Variants in PIGL observed in about 807,000 individuals in gnomAD.
PIGL encodes N-acetylglucosaminyl-phosphatidylinositol de-N-acetylase.
In PIGL, 22 loss-of-function variants were observed where a neutral mutation model predicts 31.1. The observed-to-expected ratio is 0.71, with a 90% CI of 0.51 to 1.01. The LOEUF is 1.01. Among genes scored for constraint, PIGL ranks in the 50% least tolerant of loss-of-function variants. The pLI is 0.00. For synonymous variants in PIGL, 131 were observed against 117.4 expected, an observed-to-expected ratio of 1.12 and a Z score of -0.75; for missense variants, 302 against 315.9, an observed-to-expected ratio of 0.96 and a Z score of 0.33.
At chr17:16,217,624 G>GAGATCTACACC in intron 1 of PIGL, 163 bp downstream of exon 1, 1 of 556,096 alleles carries the variant, frequency 1.8e-6, no homozygotes, top group Non-Finnish European at 3.1e-6. Context: ...AGGAGCGGCC[G>GAGATCTACACC]GCTTACCTGG....
rs746216623 is a variant in PIGL at position 16,324,130 on chromosome 17, A to ATT, written c.661-1657_661-1656dup. Among the ~76,000 whole-genome samples the ATT allele has an allele frequency of 1.2e-4, 16 of 129,642 alleles. 1 individual carries two copies. Among genetic ancestry groups the ATT allele is most frequent in the African/African-American group, 4.3e-4 (15 of 35,288 alleles). The allele number at this position is 129,642 out of a possible 152,430, so 85.1% of individuals were successfully genotyped here. A position where few individuals can be genotyped will look rare whatever the true frequency, so the allele number is the denominator to read the frequency against. Reference sequence around the variant, plus strand: ...CACCACCATGCCCAGCTAATTTTGGATTTTTTTTTTTTTTAGTAGAGATAG... The same window carrying ATT: ...CACCACCATGCCCAGCTAATTTTGGATTTTTTTTTTTTTTTTAGTAGAGATAG... On this transcript the variant is annotated intron_variant, in intron 6 of 6. Transcript: ENST00000225609.
chr17:16,320,482 C>G (rs1290544505), intron 6 of PIGL, among the ~76,000 whole-genome samples: 1 of 130,600 alleles, frequency 7.7e-6, no homozygotes, highest in Non-Finnish European at 1.6e-5. Flanking sequence ...AGGGAGGAAA[C>G]GAGGGAGGGA....
At chr17:16,263,315 A>T (rs1488708922) in intron 2 of PIGL, among the ~76,000 whole-genome samples, 1 of 151,678 alleles carries the variant, frequency 6.6e-6, no homozygotes, top group Non-Finnish European at 1.5e-5. Context: ...AGTAGCTGGG[A>T]CTACAGGCAC....
At chr17:16,319,484 G>A (rs978693609) in intron 6 of PIGL, among the ~76,000 whole-genome samples, 3 of 152,224 alleles carry the variant, frequency 2.0e-5, no homozygotes, top group Admixed American at 6.5e-5. Context: ...GCCAGACGCC[G>A]TGGCTCACGC....
chr17:16,225,607 C>T (rs2092648999), intron 1 of PIGL, among the ~76,000 whole-genome samples: 1 of 150,524 alleles, frequency 6.6e-6, no homozygotes. Flanking sequence ...GGATTACAGG[C>T]GTGAGCCACC....
chr17:16,317,641 A>G, intron 5 of PIGL, 134 bp from the exon 6 acceptor site: 6 of 1,502,788 alleles, frequency 4.0e-6, no homozygotes, highest in Non-Finnish European at 5.3e-6. Flanking sequence ...CTTTAGTGCC[A>G]CAGAAACACG....
At chr17:16,231,980 C>T (rs761673028) in intron 1 of PIGL, among the ~76,000 whole-genome samples, 49 of 151,928 alleles carry the variant, frequency 3.2e-4, no homozygotes, top group Non-Finnish European at 5.7e-4. Context: ...ACAAGGTAAA[C>T]AAATTAGGGG....
rs60411653 is a variant in PIGL at position 16,263,093 on chromosome 17, T to TGGG, written c.335+29032_335+29034dup. ...GGGGTTTATTATAATATGGTTTATT[T>TGGG]GGGGGGGGGGGATGAAAATGTTCTA... On this transcript the variant is annotated intron_variant, in intron 2 of 6. Coordinates refer to ENST00000225609, the MANE Select transcript of PIGL (RefSeq NM_004278.4). 7.4e-3 allele frequency among the ~76,000 whole-genome samples: 1,029 copies of TGGG among 139,840 alleles called. 7 individuals are homozygous for TGGG. The highest frequency in any genetic ancestry group is 0.012 in the South Asian group (51 of 4,422). 91.7% of individuals were successfully genotyped at this position (139,840 alleles called of 152,430 possible).
chr17:16,315,402 C>T (rs1455313609), intron 4 of PIGL, among the ~76,000 whole-genome samples: 3 of 152,182 alleles, frequency 2.0e-5, no homozygotes, highest in Non-Finnish European at 4.4e-5. Context: ...ACTTATATGG[C>T]ACCAGCTTGC....
At chr17:16,231,792 C>T (rs2092680567) in intron 1 of PIGL, among the ~76,000 whole-genome samples, 1 of 152,088 alleles carries the variant, frequency 6.6e-6, no homozygotes. Context: ...AGTTCTACAT[C>T]TAGAAATTAC....
chr17:16,324,058 G>C (rs183238153), intron 6 of PIGL, among the ~76,000 whole-genome samples: 1 of 151,960 alleles, frequency 6.6e-6, no homozygotes. Context: ...CTGGGTTCAA[G>C]CGAGTCCCCT....
At position 16,217,223 on chromosome 17, in the gene PIGL, C is replaced by A. The variant is rs1373926981; in HGVS notation, c.-4C>A. On this transcript the variant is annotated 5_prime_UTR_variant, in exon 1 of 7. Coordinates refer to ENST00000225609, the MANE Select transcript of PIGL (RefSeq NM_004278.4). ...CTGCGCAGGCTCAGTGCTGCTTACC[C>A]ATCATGGAAGCAATGTGGCTCCTGT... is the stretch of plus-strand genomic sequence containing the variant. 3.1e-6 allele frequency: 5 copies of A among 1,612,798 alleles called. No individual in the cohort carries two copies. Among genetic ancestry groups the A allele is most frequent in the African/African-American group, 1.3e-5 (1 of 74,910 alleles).
chr17:16,251,289 G>A (rs1478638401), intron 2 of PIGL, among the ~76,000 whole-genome samples: 1 of 151,978 alleles, frequency 6.6e-6, no homozygotes, highest in Non-Finnish European at 1.5e-5. Context: ...CTGGTATGGT[G>A]GCGTGTGCCT....
chr17:16,256,436 C>T (rs1480176655), intron 2 of PIGL, among the ~76,000 whole-genome samples: 1 of 152,156 alleles, frequency 6.6e-6, no homozygotes, highest in African/African-American at 2.4e-5. Context: ...CTCCCGATTC[C>T]TCTGCCTCAG....
intron 2 of PIGL, among the ~76,000 whole-genome samples, chr17:16,245,626 A>G (rs2092741980): frequency 6.7e-6 from 1 of 148,762 alleles, no homozygotes; most frequent in South Asian, 2.1e-4. Context: ...GATGGTCTCG[A>G]TCTCTTGACC....
chr17:16,284,677 CT>C, intron 2 of PIGL, among the ~76,000 whole-genome samples: 1 of 152,242 alleles, frequency 6.6e-6, no homozygotes, highest in Non-Finnish European at 1.5e-5. Flanking sequence ...ACGAGGACAG[CT>C]TCAATTCCCT....
At chr17:16,232,089 C>A (rs2092681658) in intron 1 of PIGL, among the ~76,000 whole-genome samples, 1 of 151,952 alleles carries the variant, frequency 6.6e-6, no homozygotes, top group African/African-American at 2.4e-5. Context: ...ACCAGCCTGG[C>A]CAACATAATG....
chr17:16,220,789 C>T (rs1017573304), intron 1 of PIGL, among the ~76,000 whole-genome samples: 10 of 152,034 alleles, frequency 6.6e-5, no homozygotes, highest in African/African-American at 1.7e-4. Flanking sequence ...CGCCCAGCCA[C>T]GCCAGGCTAA....
intron 1 of PIGL, among the ~76,000 whole-genome samples, chr17:16,218,649 A>T (rs1162211065): frequency 2.0e-5 from 3 of 149,056 alleles, no homozygotes; most frequent in African/African-American, 7.4e-5. Context: ...TGCAAAACAC[A>T]TTCCCAAAAA....
Sources: gnomAD v4.1 joint callset for allele counts (sites outside exome capture counted in the v4.1 genomes callset) on GRCh38, gnomAD v4.1.1 for gene constraint, MANE v1.5 for transcripts, NCBI Gene and HGNC (gene_info 2026-07-23, HGNC 2026-07-21) for gene names.